Variants in ANKRD11 observed in about 807,000 individuals in gnomAD.
The protein encoded by ANKRD11 is ankyrin repeat domain 11, also known as ankyrin repeat domain-containing protein 11.
ANKRD11 carries 17 observed loss-of-function variants against 195.7 expected under a neutral mutation model. The observed-to-expected ratio is 0.09, with a 90% CI of 0.06 to 0.13. The LOEUF (loss-of-function observed/expected upper bound fraction) is 0.13. ANKRD11 is among the 10% of genes least tolerant of loss of function. The probability of loss-of-function intolerance (pLI) is 1.00; values close to 1 mark genes in which losing one functional copy is unlikely to be tolerated. For synonymous variants in ANKRD11, 1,953 were observed against 1,528.1 expected (o/e 1.28, Z -6.49); for missense variants, 3,735 against 3,566.1 (o/e 1.05, Z -1.21).
chr16:89,449,156 G>GGGCTCAAGGT (rs2043944265), intron 1 of ANKRD11, among the ~76,000 whole-genome samples: 1 of 142,848 alleles, frequency 7.0e-6, no homozygotes, highest in African/African-American at 2.6e-5. Flanking sequence ...TTTAAGACCT[G>GGGCTCAAGGT]CCTAACCAAC....
chr16:89,316,829 G>A, intron 3 of ANKRD11, 104 bp downstream of exon 3: 1 of 1,371,710 alleles, frequency 7.3e-7, no homozygotes, highest in Non-Finnish European at 1.0e-6. Context: ...CACGAGGAAA[G>A]GGCCGGAGGG....
At chr16:89,270,450 C>CGCCCCT (rs1352008561) in intron 12 of ANKRD11, 1 of 373,630 alleles carries the variant, frequency 2.7e-6, no homozygotes, top group Admixed American at 3.8e-5. Context: ...GCACCTCCCC[C>CGCCCCT]GCCCCTGCCC....
intron 2 of ANKRD11, among the ~76,000 whole-genome samples, chr16:89,378,754 T>C (rs1351765179): frequency 6.6e-6 from 1 of 152,134 alleles, no homozygotes; most frequent in Non-Finnish European, 1.5e-5. Context: ...TAATTTTTTG[T>C]CTGTGTATTT....
intron 10 of ANKRD11, 48 bp downstream of exon 10, chr16:89,275,045 T>A (rs568821799): frequency 6.2e-7 from 1 of 1,612,606 alleles, no homozygotes; most frequent in Non-Finnish European, 8.5e-7. Context: ...GCCTGCGCCG[T>A]GAAAAGCCCT....
chr16:89,329,995 A>AAAAT (rs2037959793), intron 2 of ANKRD11, among the ~76,000 whole-genome samples: 2 of 146,212 alleles, frequency 1.4e-5, no homozygotes, highest in East Asian at 4.0e-4. Flanking sequence ...ACCTTGTCTC[A>AAAAT]AAAATAAAAT....
Position 89,270,859 on chromosome 16 carries a change from G to A in ANKRD11, c.7764C>T (p.Ile2588=). The A allele has an allele frequency of 1.9e-6, 3 of 1,614,106 alleles. No homozygotes were observed. The South Asian group carries it at 3.3e-5, about 18-fold the overall frequency. ...TGTCATCCACGTCCTGGAGCCAGGA[G>A]ATGAACTGGCGGGCGTTGAAACGGT... The part of the protein sequence containing the change: ...VRDRFNARQF[I]SWLQDVDDKY... The change falls in exon 12 of 13, where the codon ATC becomes ATT. Residue 2588 remains isoleucine (I), a synonymous_variant. Coordinates refer to ENST00000301030, the MANE Select transcript of ANKRD11 (RefSeq NM_013275.6).
intron 2 of ANKRD11, among the ~76,000 whole-genome samples, chr16:89,397,261 C>A (rs1202696747): frequency 4.6e-5 from 7 of 152,220 alleles, no homozygotes; most frequent in African/African-American, 1.7e-4. Flanking sequence ...AAGGCATCCA[C>A]CTCCAGGACA....
rs1429495796 is a variant in ANKRD11, at chr16:89,359,469, C to T, written c.-59-42391G>A. On this transcript the variant is annotated intron_variant, in intron 2 of 12. Coordinates refer to ENST00000301030, the MANE Select transcript of ANKRD11 (RefSeq NM_013275.6). ...AGCGCACACGTCTGCTGCAGCCCCT[C>T]GGCCCCCACTGCTTCGGGATGCAGA... 3.3e-5 allele frequency among the ~76,000 whole-genome samples: 5 copies of T among 152,192 alleles called. No homozygotes were observed. In the East Asian group the frequency reaches 9.6e-4, roughly 29 times the overall value.
chr16:89,379,088 G>T (rs568839430), intron 2 of ANKRD11, among the ~76,000 whole-genome samples: 6 of 152,200 alleles, frequency 3.9e-5, no homozygotes, highest in Non-Finnish European at 7.3e-5. Flanking sequence ...CCAGAACGTC[G>T]GCAGTGCGGA....
rs767398092 is a variant in ANKRD11 at position 89,285,008 on chromosome 16, G to T, written c.1534C>A (p.Pro512Thr). The change falls in exon 9 of 13, where the codon CCC (proline) becomes ACC (threonine). Residue 512 changes from proline (P) to threonine (T), a missense_variant. Physicochemically the swap from Pro to Thr is conservative, Grantham distance 38. Transcript: ENST00000301030. The surrounding 1 kb of genome is among the most constrained non-coding windows in gnomAD (Gnocchi z 5.6). ...LKGSPLVLKD[P>T]SLFSSLSASS... ...GCAGAGAGGGAGCTGAACAGGGAGGGGTCCTTCAGCACCAGCGGGGACCCC... is the reference window on the plus strand; with the variant it reads ...GCAGAGAGGGAGCTGAACAGGGAGGTGTCCTTCAGCACCAGCGGGGACCCC... The T allele has an allele frequency of 6.2e-7, 1 of 1,613,858 alleles. No homozygotes were observed. Among genetic ancestry groups the T allele is most frequent in the African/African-American group, 1.3e-5 (1 of 74,880 alleles).
intron 2 of ANKRD11, among the ~76,000 whole-genome samples, chr16:89,329,322 G>A (rs1226518409): frequency 1.3e-5 from 2 of 152,202 alleles, no homozygotes; most frequent in African/African-American, 2.4e-5. Context: ...GCCACTGGGC[G>A]AAGGTGGGGA....
At chr16:89,380,796 C>G (rs993220802) in intron 2 of ANKRD11, among the ~76,000 whole-genome samples, 2 of 152,244 alleles carry the variant, frequency 1.3e-5, no homozygotes, top group African/African-American at 4.8e-5. Context: ...GGCTGCGTAA[C>G]CACCACGAGC....
intron 7 of ANKRD11, chr16:89,286,755 G>A: frequency 7.8e-7 from 1 of 1,287,058 alleles, no homozygotes; most frequent in Non-Finnish European, 1.0e-6. Flanking sequence ...TCACATGACT[G>A]ACAGAGACAA....
intron 2 of ANKRD11, among the ~76,000 whole-genome samples, chr16:89,397,336 T>A (rs1396649141): frequency 2.0e-5 from 3 of 152,224 alleles, no homozygotes; most frequent in Non-Finnish European, 4.4e-5. Flanking sequence ...GATTCCACCG[T>A]AAGTGCTGTC....
chr16:89,476,086 C>A (rs1416123865), intron 1 of ANKRD11, among the ~76,000 whole-genome samples: 2 of 151,350 alleles, frequency 1.3e-5, no homozygotes, highest in African/African-American at 4.9e-5. Flanking sequence ...AACAACTGAG[C>A]CAAACAATGG....
intron 12 of ANKRD11, chr16:89,270,536 A>G: frequency 2.1e-6 from 1 of 486,200 alleles, no homozygotes; most frequent in Non-Finnish European, 3.8e-6. Context: ...GGGCAGTCCC[A>G]GGAGTTCTGA....
intron 6 of ANKRD11, chr16:89,288,970 T>C (rs773941889): frequency 3.9e-6 from 2 of 509,506 alleles, no homozygotes; most frequent in Non-Finnish European, 7.2e-6. Flanking sequence ...ACACACAGTG[T>C]AGTAAACAGC....
At chr16:89,448,172 G>T (rs1020010733) in intron 1 of ANKRD11, among the ~76,000 whole-genome samples, 1 of 151,862 alleles carries the variant, frequency 6.6e-6, no homozygotes, top group African/African-American at 2.4e-5. Flanking sequence ...CTTGCAGACA[G>T]TGGGCACCCT....
chr16:89,358,958 T>G (rs1242897232), intron 2 of ANKRD11, among the ~76,000 whole-genome samples: 1 of 152,156 alleles, frequency 6.6e-6, no homozygotes, highest in East Asian at 1.9e-4. Context: ...CCAGAGCAGC[T>G]GGGACCACAG....
Sources: allele counts gnomAD v4.1 joint callset (sites outside exome capture counted in the v4.1 genomes callset), GRCh38; gene constraint gnomAD v4.1.1; non-coding constraint Gnocchi (gnomAD v3.1); transcripts MANE v1.5; gene names NCBI Gene and HGNC (gene_info 2026-07-23, HGNC 2026-07-21).